Variants in KCNH5 observed in about 807,000 individuals in gnomAD.
KCNH5 encodes the protein voltage-gated delayed rectifier potassium channel KCNH5.
In KCNH5, 46 loss-of-function variants were observed where a neutral mutation model predicts 96.1. The ratio of observed to expected loss-of-function variants is 0.48; its 90% CI spans 0.38 to 0.61. The LOEUF (loss-of-function observed/expected upper bound fraction) is 0.61, where lower values mean the gene tolerates loss of function less well. Ranked by LOEUF, KCNH5 falls within the 20% of genes least tolerant of loss-of-function variation. The pLI is 0.00. For missense variants in KCNH5, 907 were observed against 1,225.8 expected, an observed-to-expected ratio of 0.74 and a Z score of 3.88; for synonymous variants, 439 against 449.8, an observed-to-expected ratio of 0.98 and a Z score of 0.30.
chr14:62,846,353 T>C (rs1887691121), intron 8 of KCNH5, among the ~76,000 whole-genome samples: 1 of 152,204 alleles, frequency 6.6e-6, no homozygotes, highest in Admixed American at 6.5e-5. Flanking sequence ...AAATGCTTTA[T>C]GTCATTTTCA....
At chr14:62,782,582 A>G (rs1463955223) in intron 9 of KCNH5, among the ~76,000 whole-genome samples, 1 of 152,126 alleles carries the variant, frequency 6.6e-6, no homozygotes, top group Non-Finnish European at 1.5e-5. Context: ...AGGCCAAGGC[A>G]GGCGGATCAC....
At chr14:62,992,645 C>A (rs1391612937) in intron 4 of KCNH5, among the ~76,000 whole-genome samples, 1 of 151,876 alleles carries the variant, frequency 6.6e-6, no homozygotes, top group African/African-American at 2.4e-5. Flanking sequence ...CTATTCATGT[C>A]CTTTGCCCAC....
chr14:63,013,659 T>A (rs944136797), intron 2 of KCNH5, among the ~76,000 whole-genome samples: 1 of 152,176 alleles, frequency 6.6e-6, no homozygotes, highest in African/African-American at 2.4e-5. Flanking sequence ...AAAAGCGATA[T>A]GTAAAAGAAT....
At chr14:62,860,743 C>T (rs745713576) in intron 7 of KCNH5, among the ~76,000 whole-genome samples, 9 of 152,226 alleles carry the variant, frequency 5.9e-5, no homozygotes, top group Non-Finnish European at 1.3e-4. Context: ...GCATCACACC[C>T]TCCTAGTTGG....
chr14:62,867,887 A>G (rs970103040), intron 7 of KCNH5, among the ~76,000 whole-genome samples: 5 of 152,108 alleles, frequency 3.3e-5, no homozygotes, highest in African/African-American at 1.2e-4. Context: ...CCTAAATGTC[A>G]CCGTCTAAAA....
At chr14:62,907,648 T>C (rs1889055875) in intron 7 of KCNH5, among the ~76,000 whole-genome samples, 1 of 152,198 alleles carries the variant, frequency 6.6e-6, no homozygotes, top group Non-Finnish European at 1.5e-5. Flanking sequence ...ACAAGGAGTC[T>C]GAGTAACAGG....
chr14:62,842,208 T>C (rs183920692), intron 8 of KCNH5, among the ~76,000 whole-genome samples: 12 of 152,300 alleles, frequency 7.9e-5, no homozygotes, highest in African/African-American at 2.9e-4. Context: ...AAAACTAATA[T>C]ATATGTTTGA....
chr14:62,768,065 G>T (rs957579685), intron 10 of KCNH5, among the ~76,000 whole-genome samples: 9 of 152,074 alleles, frequency 5.9e-5, no homozygotes, highest in South Asian at 2.1e-4. Context: ...AGGGTGCCAG[G>T]GTGGGAGAGG....
chr14:63,012,291 A>C (rs1891244170), intron 2 of KCNH5, among the ~76,000 whole-genome samples: 1 of 152,210 alleles, frequency 6.6e-6, no homozygotes, highest in African/African-American at 2.4e-5. Context: ...TCCACAGTAA[A>C]ATGGACAACA....
At chr14:63,037,911 C>A (rs1282553234) in intron 1 of KCNH5, among the ~76,000 whole-genome samples, 1 of 152,176 alleles carries the variant, frequency 6.6e-6, no homozygotes, top group African/African-American at 2.4e-5. Context: ...TTAGAATCTA[C>A]AAATTTTTAA....
At chr14:62,867,018 A>G (rs1888147344) in intron 7 of KCNH5, among the ~76,000 whole-genome samples, 1 of 152,130 alleles carries the variant, frequency 6.6e-6, no homozygotes, top group Admixed American at 6.6e-5. Flanking sequence ...GTAAATGTGG[A>G]TCTACCATTT....
At chr14:62,997,591 T>C (rs1042219966) in intron 4 of KCNH5, among the ~76,000 whole-genome samples, 3 of 152,152 alleles carry the variant, frequency 2.0e-5, no homozygotes, top group Non-Finnish European at 2.9e-5. Flanking sequence ...TAATTCTTTT[T>C]AGATATTGTT....
intron 8 of KCNH5, among the ~76,000 whole-genome samples, chr14:62,832,345 G>A (rs995308906): frequency 6.6e-6 from 1 of 152,072 alleles, no homozygotes; most frequent in African/African-American, 2.4e-5. Context: ...CCTCAAATAA[G>A]TGGTATCATG....
intron 9 of KCNH5, 88 bp from the exon 10 acceptor site, chr14:62,780,012 A>C: frequency 9.3e-7 from 1 of 1,073,792 alleles, no homozygotes. Context: ...TACAGTATTG[A>C]CCTTCTAGCA....
chr14:62,855,366 G>A (rs1887907787), intron 7 of KCNH5, among the ~76,000 whole-genome samples: 1 of 152,176 alleles, frequency 6.6e-6, no homozygotes, highest in Non-Finnish European at 1.5e-5. Context: ...TGTATGTGCA[G>A]GATACAGCTT....
At chr14:62,875,799 G>GA (rs1888360226) in intron 7 of KCNH5, among the ~76,000 whole-genome samples, 1 of 152,138 alleles carries the variant, frequency 6.6e-6, no homozygotes, top group African/African-American at 2.4e-5. Flanking sequence ...AGTGGATCAC[G>GA]AGGTCAGGAG....
chr14:62,927,662 A>G (rs1180914459), intron 7 of KCNH5, among the ~76,000 whole-genome samples: 2 of 152,122 alleles, frequency 1.3e-5, no homozygotes, highest in East Asian at 1.9e-4. Context: ...TTCTACTTCT[A>G]TGAAGCACCT....
intron 8 of KCNH5, among the ~76,000 whole-genome samples, chr14:62,827,290 G>C (rs949664226): frequency 6.6e-6 from 1 of 152,104 alleles, no homozygotes; most frequent in African/African-American, 2.4e-5. Context: ...GCTACCCAAA[G>C]TACGGTTTGT....
chr14:63,020,174 G>C (rs1022518090), intron 1 of KCNH5, among the ~76,000 whole-genome samples: 9 of 152,076 alleles, frequency 5.9e-5, no homozygotes, highest in African/African-American at 2.2e-4. Context: ...ATACAACATT[G>C]TTGATGAGAA....
Sources: gnomAD v4.1 joint callset for allele counts (sites outside exome capture counted in the v4.1 genomes callset) on GRCh38, gnomAD v4.1.1 for gene constraint, MANE v1.5 for transcripts, NCBI Gene and HGNC (gene_info 2026-07-23, HGNC 2026-07-21) for gene names.